The following TMEM71 variants were observed in gnomAD, a reference collection of about 807,000 sequenced individuals.
TMEM71 encodes the protein transmembrane protein 71.
TMEM71 carries 44 observed loss-of-function variants against 38.0 expected under a neutral mutation model. The observed-to-expected ratio is 1.16, with a 90% CI of 0.91 to 1.49. TMEM71 has a LOEUF of 1.49. Among genes scored for constraint, TMEM71 ranks in the 40% most tolerant of loss-of-function variants. The pLI is 0.00. For missense variants in TMEM71, 367 were observed against 348.6 expected (o/e 1.05, Z -0.42); for synonymous variants, 133 against 122.5 (o/e 1.09, Z -0.56).
intron 5 of TMEM71, among the ~76,000 whole-genome samples, chr8:132,739,647 G>A (rs1057233219): frequency 1.3e-5 from 2 of 152,100 alleles, no homozygotes; most frequent in Non-Finnish European, 2.9e-5. Flanking sequence ...TAACTTGGGC[G>A]AGTTCCTTAA....
the TMEM71 span, among the ~76,000 whole-genome samples, chr8:132,772,631 C>T: frequency 2.0e-5 from 3 of 152,280 alleles, no homozygotes; most frequent in African/African-American, 7.2e-5. Flanking sequence ...ACACCCTCTC[C>T]ACTTCCCAAA....
chr8:132,737,366 C>A (rs1371825324), intron 5 of TMEM71, among the ~76,000 whole-genome samples: 1 of 152,176 alleles, frequency 6.6e-6, no homozygotes, highest in Non-Finnish European at 1.5e-5. Flanking sequence ...AGGGAAGATT[C>A]CACACATAAC....
chr8:132,738,210 C>G (rs1318980728), intron 5 of TMEM71, among the ~76,000 whole-genome samples: 6 of 152,032 alleles, frequency 3.9e-5, no homozygotes, highest in Non-Finnish European at 8.8e-5. Context: ...ATAACTTGCC[C>G]AAGAACATTC....
At chr8:132,756,463 T>A (rs909770187) in intron 3 of TMEM71, among the ~76,000 whole-genome samples, 1 of 143,826 alleles carries the variant, frequency 7.0e-6, no homozygotes, top group East Asian at 2.0e-4. Flanking sequence ...ATTAGGCAAG[T>A]TTTTATTTAG....
intron 5 of TMEM71, 102 bp downstream of exon 5, chr8:132,746,840 A>C (rs1828414571): frequency 1.0e-6 from 1 of 960,290 alleles, no homozygotes; most frequent in Non-Finnish European, 1.5e-6. Flanking sequence ...TCTCCATCAA[A>C]ATGACTGTCA....
intron 9 of TMEM71, among the ~76,000 whole-genome samples, chr8:132,711,500 AT>A (rs1826235098): frequency 1.3e-5 from 2 of 152,184 alleles, no homozygotes; most frequent in African/African-American, 4.8e-5. Context: ...TTATTCACTC[AT>A]TCATTAAGTA....
At position 132,725,046 on chromosome 8, in the gene TMEM71, CT is replaced by C. The variant is rs113090139; in HGVS notation, c.676+2751del. Among the ~76,000 whole-genome samples, 205 of 144,336 alleles carry C rather than the reference CT, an allele frequency of 1.4e-3. 1 individual carries two copies. Among genetic ancestry groups the C allele is most frequent in the African/African-American group, 2.6e-3 (101 of 39,188 alleles). 94.7% of individuals were successfully genotyped at this position (144,336 alleles called of 152,430 possible). ...TCTTTTCTTTTCTTTTCTTTTTTTT[CT>C]TTTTTTTTTTTAACAGGGTCTCACT... is the stretch of plus-strand genomic sequence containing the variant. On this transcript the variant is annotated intron_variant, in intron 6 of 9. Transcript: ENST00000677595.
intron 3 of TMEM71, among the ~76,000 whole-genome samples, chr8:132,754,643 A>G (rs1328695647): frequency 1.3e-5 from 2 of 152,198 alleles, no homozygotes; most frequent in Non-Finnish European, 1.5e-5. Flanking sequence ...TCCATTGCCT[A>G]AGGGTGGTAA....
intron 5 of TMEM71, 49 bp from the exon 6 acceptor site, chr8:132,728,035 T>A: frequency 7.1e-7 from 1 of 1,407,930 alleles, no homozygotes; most frequent in African/African-American, 1.4e-5. Flanking sequence ...TGTGTGTGTG[T>A]GTGTGTGTGT....
intron 4 of TMEM71, among the ~76,000 whole-genome samples, chr8:132,747,535 T>C (rs534077538): frequency 1.2e-4 from 18 of 152,354 alleles, no homozygotes; most frequent in African/African-American, 3.4e-4. Flanking sequence ...TTGGCTGAGG[T>C]CATGCAGCTA....
chr8:132,733,689 G>A (rs1827585731), intron 5 of TMEM71, among the ~76,000 whole-genome samples: 1 of 152,340 alleles, frequency 6.6e-6, no homozygotes, highest in South Asian at 2.1e-4. Flanking sequence ...AGGCTCCTGA[G>A]GGGGCCCTGG....
In TMEM71 at chr8:132,728,006, CAGTGTG is replaced by C. The variant is rs773807274; in HGVS notation, c.488-26_488-21del. 4.5e-6 allele frequency: 7 copies of C among 1,542,120 alleles called. No homozygotes were observed. Among genetic ancestry groups the C allele is most frequent in the African/African-American group, 1.8e-5 (1 of 56,914 alleles). On this transcript the variant is annotated intron_variant, in intron 5 of 9. Coordinates refer to ENST00000677595, the MANE Select transcript of TMEM71 (RefSeq NM_001382403.1). ...CATCTGCTGAAAAAGCAGAGGGGTT[CAGTGTG>C]AGTGTGTGTGTGTGTGTGTGTGTGT...
At chr8:132,726,483 T>C (rs762128288) in intron 6 of TMEM71, among the ~76,000 whole-genome samples, 1 of 152,238 alleles carries the variant, frequency 6.6e-6, no homozygotes, top group Non-Finnish European at 1.5e-5. Flanking sequence ...TGACATAGTA[T>C]GCTAAGTACT....
chr8:132,730,489 T>C (rs188796546), intron 5 of TMEM71, among the ~76,000 whole-genome samples: 10 of 152,258 alleles, frequency 6.6e-5, no homozygotes, highest in Non-Finnish European at 1.2e-4. Context: ...ATAAATATGA[T>C]GCTTCAGAAA....
chr8:132,723,694 G>A (rs997656056), intron 6 of TMEM71, among the ~76,000 whole-genome samples: 2 of 152,058 alleles, frequency 1.3e-5, no homozygotes, highest in Non-Finnish European at 2.9e-5. Context: ...GTTCTCTGGG[G>A]ACAGTGCTCA....
At chr8:132,775,437 C>T in the TMEM71 span, 2 of 385,816 alleles carry the variant, frequency 5.2e-6, no homozygotes, top group Non-Finnish European at 9.1e-6. Flanking sequence ...TGGCAGCGGA[C>T]CCTGAGCGAG....
intron 5 of TMEM71, among the ~76,000 whole-genome samples, chr8:132,744,481 T>G (rs1285876335): frequency 6.6e-6 from 1 of 151,932 alleles, no homozygotes; most frequent in African/African-American, 2.4e-5. Context: ...ACCAAGGACA[T>G]AAAAGATCTC....
chr8:132,775,695 C>A, the TMEM71 span: 2 of 321,014 alleles, frequency 6.2e-6, no homozygotes, highest in East Asian at 9.6e-5. Flanking sequence ...CCCCGCCGGG[C>A]CGCCCGGGAC....
intron 5 of TMEM71, among the ~76,000 whole-genome samples, chr8:132,740,443 T>A (rs1827975633): frequency 1.3e-5 from 2 of 152,256 alleles, no homozygotes. Flanking sequence ...CATAATTTAT[T>A]TATTGTCTAT....
Sources: gnomAD v4.1 joint callset for allele counts (sites outside exome capture counted in the v4.1 genomes callset) on GRCh38, gnomAD v4.1.1 for gene constraint, MANE v1.5 for transcripts, NCBI Gene and HGNC (gene_info 2026-07-23, HGNC 2026-07-21) for gene names.